The following AP3D1 variants were observed in gnomAD, a reference collection of about 807,000 sequenced individuals.
AP3D1 encodes AP-3 complex subunit delta-1.
Under a neutral mutation model 147.6 loss-of-function variants are expected in AP3D1, and 51 were observed. The ratio of observed to expected loss-of-function variants is 0.35; its 90% confidence interval spans 0.28 to 0.44. AP3D1 has a LOEUF of 0.44. Among genes scored for constraint, AP3D1 ranks in the 20% least tolerant of loss-of-function variants. The probability of loss-of-function intolerance (pLI) is 1.00; values close to 1 mark genes in which losing one functional copy is unlikely to be tolerated. For missense variants in AP3D1, 1,421 were observed against 1,624.2 expected (o/e 0.87, Z 2.15); for synonymous variants, 760 against 663.0 (o/e 1.15, Z -2.25).
At chr19:2,118,980 C>T (rs546911476) in intron 14 of AP3D1, 148 bp from the exon 15 acceptor site, 6 of 707,730 alleles carry the variant, frequency 8.5e-6, no homozygotes, top group African/African-American at 3.6e-5. Context: ...GGCTGAGACA[C>T]GAAGTAGAAG....
Position 2,115,621 on chromosome 19 carries a change from G to A in AP3D1, c.2074-8C>T, listed in dbSNP as rs1360284485. 2 of 1,611,114 alleles carry A rather than the reference G, an allele frequency of 1.2e-6. No individual in the cohort carries two copies. ...CGGGGTGTCCTGGTACCGCTGCAAA[G>A]GCAACACCCAGGCGTTACCGGTGCA... is the stretch of plus-strand genomic sequence containing the variant. On this transcript the variant is annotated splice_region_variant and splice_polypyrimidine_tract_variant and intron_variant, in intron 18 of 31. Coordinates refer to ENST00000643116, the MANE Select transcript of AP3D1 (RefSeq NM_001261826.3).
chr19:2,138,570 G>A, intron 2 of AP3D1, 49 bp downstream of exon 2: 1 of 1,383,122 alleles, frequency 7.2e-7, no homozygotes, highest in South Asian at 1.2e-5. Flanking sequence ...CGTGCTGAGT[G>A]GAGAAGCAGC....
intron 15 of AP3D1, among the ~76,000 whole-genome samples, chr19:2,117,668 C>T (rs2018496813): frequency 6.6e-6 from 1 of 152,272 alleles, no homozygotes; most frequent in African/African-American, 2.4e-5. Context: ...CCTCCCTCGG[C>T]CCCCGCGGGC....
At position 2,121,860 on chromosome 19, in the gene AP3D1, C is replaced by T. The variant is rs764927734; in HGVS notation, c.975G>A (p.Leu325=). 7 of 1,608,612 alleles carry T rather than the reference C, an allele frequency of 4.4e-6. No homozygotes were observed. Among genetic ancestry groups the T allele is most frequent in the Non-Finnish European group, 5.9e-6 (7 of 1,178,046 alleles). The part of the protein sequence containing the change: ...SDQNLKYLGL[L]AMSKILKTHP... ...GGGTCTTCAGGATCTTGGACATTGC[C>T]AGCAGCCCCAGGTACTTCACTGCAG... The change falls in exon 12 of 32, where the codon CTG becomes CTA. Residue 325 remains leucine (L), a synonymous_variant. Transcript: ENST00000643116.
intron 15 of AP3D1, among the ~76,000 whole-genome samples, chr19:2,117,874 A>T (rs1292883304): frequency 6.6e-6 from 1 of 152,242 alleles, no homozygotes; most frequent in Non-Finnish European, 1.5e-5. Context: ...CCTCTCTCAC[A>T]GATGGCCAGG....
chr19:2,102,029 G>A lies in AP3D1; in HGVS notation c.*144C>T. 1 of 645,930 alleles carries A rather than the reference G, an allele frequency of 1.5e-6. No homozygotes were observed. The highest frequency in any genetic ancestry group is 2.7e-6 in the Non-Finnish European group (1 of 368,358). The allele number at this position is 645,930 out of a possible 1,614,324, so 40.0% of individuals were successfully genotyped here. ...TAATTCAACGCAACAAATGACCTCG[G>A]ATGTCTACACGGCGGACAACATAGA... On this transcript the variant is annotated 3_prime_UTR_variant, in exon 32 of 32. Transcript: ENST00000643116.
chr19:2,129,533 G>C lies in AP3D1; in HGVS notation c.593-76C>G, dbSNP rs540107176. The C allele has an allele frequency of 5.9e-6, 9 of 1,519,520 alleles. No individual in the cohort carries two copies. In the African/African-American group the frequency reaches 1.2e-4, roughly 21 times the overall value. The allele number at this position is 1,519,520 out of a possible 1,614,324, so 94.1% of individuals were successfully genotyped here. On this transcript the variant is annotated intron_variant, in intron 6 of 31. Transcript: ENST00000643116. ...CCATCCTACTGTCTTCCTGGCCCGC[G>C]AGGAAGTTCTGGGGCCTGCAGCAGC...
At chr19:2,154,911 G>A (rs896061854), upstream of AP3D1, among the ~76,000 whole-genome samples, 3 of 152,184 alleles carry the variant, frequency 2.0e-5, no homozygotes, top group Admixed American at 6.5e-5. Flanking sequence ...CAGGCGGGGC[G>A]GCCAGTGCCT....
At chr19:2,116,009 G>GC (rs1173492897) in intron 18 of AP3D1, among the ~76,000 whole-genome samples, 198 bp downstream of exon 18, 4 of 152,358 alleles carry the variant, frequency 2.6e-5, no homozygotes, top group South Asian at 2.1e-4. Flanking sequence ...AGGGAACAGG[G>GC]CCCCCCGGCT....
intron 1 of AP3D1, among the ~76,000 whole-genome samples, chr19:2,163,928 G>C (rs1207269657): frequency 6.7e-6 from 1 of 149,632 alleles, no homozygotes; most frequent in South Asian, 2.1e-4. Context: ...CCCGGCCCCC[G>C]GCTCATTGTG....
upstream of AP3D1, among the ~76,000 whole-genome samples, chr19:2,153,519 T>C (rs931060178): frequency 2.0e-5 from 3 of 151,692 alleles, no homozygotes; most frequent in African/African-American, 7.3e-5. Context: ...CTACTAAAAA[T>C]ACAAAAATTA....
At position 2,130,416 on chromosome 19, in the gene AP3D1, G is replaced by A. The variant is rs2018905742; in HGVS notation, c.584C>T (p.Pro195Leu). Reference protein sequence around the residue: ...FPRLKEKLEDPDPGVQSAAVN... With the variant: ...FPRLKEKLEDLDPGVQSAAVN... ...AACTCAAATCCACAAACCGGGGTCG[G>A]GGTCCTCCAGCTTCTCCTTCAGCCG... Residue 195 changes from proline (P) to leucine (L), a missense_variant, in exon 6 of 32, where the codon CCC becomes CTC. By Grantham distance (98) the Pro-to-Leu change is moderately conservative. Transcript: ENST00000643116. The A allele has an allele frequency of 1.9e-6, 3 of 1,613,934 alleles. No homozygotes were observed. The highest frequency in any genetic ancestry group is 1.7e-6 in the Non-Finnish European group (2 of 1,179,994).
At chr19:2,110,656 C>T in intron 27 of AP3D1, 51 bp downstream of exon 27, 1 of 1,492,928 alleles carries the variant, frequency 6.7e-7, no homozygotes, top group South Asian at 1.3e-5. Context: ...CACCAGCTGC[C>T]ACTGCGCTCC....
intron 14 of AP3D1, 93 bp from the exon 15 acceptor site, chr19:2,118,925 A>G (rs2018534977): frequency 1.7e-6 from 2 of 1,175,892 alleles, no homozygotes; most frequent in Non-Finnish European, 2.4e-6. Flanking sequence ...CTCGTCACCA[A>G]CAAGGTGACT....
Position 2,120,286 on chromosome 19 carries a change from C to T in AP3D1, c.1481+576G>A, listed in dbSNP as rs1413154220. 2.6e-5 allele frequency among the ~76,000 whole-genome samples: 4 copies of T among 152,338 alleles called. No homozygotes were observed. In the East Asian group the frequency reaches 7.7e-4, roughly 29 times the overall value. ...CTGCCCAGCAGTGGCTGTGATCTGTCCTCTTGGCCAGGGAGAACCTGACAT... is the reference window on the plus strand; with the variant it reads ...CTGCCCAGCAGTGGCTGTGATCTGTTCTCTTGGCCAGGGAGAACCTGACAT... On this transcript the variant is annotated intron_variant, in intron 14 of 31. Transcript: ENST00000643116.
At chr19:2,108,313 A>C (rs917272934) in intron 31 of AP3D1, among the ~76,000 whole-genome samples, 1 of 152,196 alleles carries the variant, frequency 6.6e-6, no homozygotes, top group Non-Finnish European at 1.5e-5. Flanking sequence ...CAGGAGAGGG[A>C]GGCCCGGAGC....
At chr19:2,104,347 A>G (rs1468883421) in intron 31 of AP3D1, among the ~76,000 whole-genome samples, 2 of 135,742 alleles carry the variant, frequency 1.5e-5, no homozygotes, top group Non-Finnish European at 3.4e-5. Context: ...CCGAGACCGC[A>G]ACACTGAGAC....
chr19:2,138,811 C>T (rs2019144623), intron 1 of AP3D1, 97 bp from the exon 2 acceptor site: 1 of 877,546 alleles, frequency 1.1e-6, no homozygotes, highest in South Asian at 1.3e-5. Context: ...CCTGTAATCC[C>T]AGCACTTTGG....
At chr19:2,115,656 G>T (rs1316108735) in intron 18 of AP3D1, 43 bp from the exon 19 acceptor site, 6 of 1,584,786 alleles carry the variant, frequency 3.8e-6, no homozygotes, top group Non-Finnish European at 5.2e-6. Context: ...ACCGAGGGGT[G>T]ACACACGTGC....
Sources: gnomAD v4.1 joint callset for allele counts (sites outside exome capture counted in the v4.1 genomes callset) on GRCh38, gnomAD v4.1.1 for gene constraint, MANE v1.5 for transcripts, NCBI Gene and HGNC (gene_info 2026-07-23, HGNC 2026-07-21) for gene names.